Variants in ARNT2 observed in about 807,000 individuals in gnomAD.
ARNT2 encodes ARNT protein 2.
ARNT2 carries 36 observed loss-of-function variants against 91.7 expected under a neutral mutation model. The observed-to-expected ratio is 0.39, with a 90% CI of 0.30 to 0.52. ARNT2 has a LOEUF of 0.52. Ranked by LOEUF, ARNT2 falls within the 20% of genes least tolerant of loss-of-function variation. The pLI is 0.72. For synonymous variants in ARNT2, 365 were observed against 347.1 expected, an observed-to-expected ratio of 1.05 and a Z score of -0.57; for missense variants, 775 against 939.3, an observed-to-expected ratio of 0.83 and a Z score of 2.29.
Position 80,563,096 on chromosome 15 carries a change from G to A in ARNT2, c.1173G>A (p.Lys391=). 6.2e-7 allele frequency: 1 copy of A among 1,614,146 alleles called. No individual in the cohort carries two copies. The highest frequency in any genetic ancestry group is 8.5e-7 in the Non-Finnish European group (1 of 1,180,034). The change falls in exon 12 of 19, where the codon AAG becomes AAA. Residue 391 remains lysine, a synonymous_variant. Coordinates refer to ENST00000303329, the MANE Select transcript of ARNT2 (RefSeq NM_014862.4). Reference sequence around the variant, plus strand: ...TCCAAATGTTTTCTCAGGTGGTTAAGCTGAAAGGCCAAGTCCTGTCGGTCA... The same window carrying A: ...TCCAAATGTTTTCTCAGGTGGTTAAACTGAAAGGCCAAGTCCTGTCGGTCA... The part of the protein sequence containing the change: ...HLRESFQQVV[K]LKGQVLSVMY...
rs1401359926 is a variant in ARNT2 at position 80,591,105 on chromosome 15, T to G, written c.1919-463T>G. 6.6e-6 allele frequency among the ~76,000 whole-genome samples: 1 copy of G among 152,208 alleles called. No individual in the cohort carries two copies. The highest frequency in any genetic ancestry group is 2.4e-5 in the African/African-American group (1 of 41,446). ...CAGGGCCAGATGCCTTTCAAGAGCA[T>G]TCGGTGGACCGAGAGGGAATCAGGA... On this transcript the variant is annotated intron_variant, in intron 17 of 18. Transcript: ENST00000303329. This position sits in a 1 kb window ranked among gnomAD's most constrained non-coding sequence, Gnocchi z 5.1.
At chr15:80,436,744 G>A (rs1896094232) in intron 1 of ARNT2, among the ~76,000 whole-genome samples, 1 of 152,156 alleles carries the variant, frequency 6.6e-6, no homozygotes. Flanking sequence ...TTGTGCCTGG[G>A]ATTTTAACGT....
intron 3 of ARNT2, among the ~76,000 whole-genome samples, chr15:80,463,012 T>C (rs1322170339): frequency 6.6e-6 from 1 of 152,180 alleles, no homozygotes; most frequent in Non-Finnish European, 1.5e-5. Context: ...TGACCAAAAC[T>C]CTGTTGATAA....
chr15:80,434,357 A>G (rs769764033), intron 1 of ARNT2: 3 of 152,208 alleles, frequency 2.0e-5, no homozygotes, highest in Non-Finnish European at 2.9e-5. Flanking sequence ...CCAGTTCACA[A>G]TGTCACACTG....
chr15:80,514,363 G>A lies in ARNT2; in HGVS notation c.835G>A (p.Val279Met). 1 of 1,614,192 alleles carries A rather than the reference G, an allele frequency of 6.2e-7. No homozygotes were observed. The highest frequency in any genetic ancestry group is 8.5e-7 in the Non-Finnish European group (1 of 1,180,034). ...PVKEGEAQYA[V>M]VHCTGYIKAW... ...GAAAGAAGGAGAAGCCCAATATGCT[G>A]TGGTCCACTGTACAGGATACATCAA... The change falls in exon 8 of 19, where the codon GTG (valine) becomes ATG (methionine). Residue 279 changes from valine (V) to methionine (M), a missense_variant. Coordinates refer to ENST00000303329, the MANE Select transcript of ARNT2 (RefSeq NM_014862.4).
intron 1 of ARNT2, among the ~76,000 whole-genome samples, chr15:80,426,549 A>G (rs1484585310): frequency 6.6e-6 from 1 of 152,146 alleles, no homozygotes; most frequent in Non-Finnish European, 1.5e-5. Flanking sequence ...GGGTAGGGCT[A>G]AGGGAAGGAG....
At chr15:80,419,361 G>A (rs1895830460) in intron 1 of ARNT2, among the ~76,000 whole-genome samples, 1 of 152,220 alleles carries the variant, frequency 6.6e-6, no homozygotes, top group South Asian at 2.1e-4. Flanking sequence ...CCTGGTTCAG[G>A]ATGGCTGGGC....
In ARNT2 at chr15:80,510,110, T is replaced by A. The variant is rs555318096; in HGVS notation, c.725+1852T>A. Among the ~76,000 whole-genome samples the A allele has an allele frequency of 3.9e-5, 6 of 152,284 alleles. No individual in the cohort carries two copies. In the South Asian group the frequency reaches 1.2e-3, roughly 32 times the overall value. On this transcript the variant is annotated intron_variant, in intron 6 of 18. Transcript: ENST00000303329. ...ATGATTCAGGTGAGAAATGTGATTG[T>A]GGTAGAAAGTGCTCAGATTTTGAGT...
intron 12 of ARNT2, among the ~76,000 whole-genome samples, chr15:80,571,209 G>A (rs78600401): frequency 0.011 from 1,648 of 152,248 alleles, 41 homozygotes; most frequent in African/African-American, 0.038. Flanking sequence ...GCCCCAAAAC[G>A]TAGTGAGCTC....
chr15:80,466,539 C>T (rs187919871), intron 3 of ARNT2, among the ~76,000 whole-genome samples: 2 of 152,370 alleles, frequency 1.3e-5, no homozygotes, highest in Admixed American at 1.3e-4. Flanking sequence ...CACAGGCTCA[C>T]TCCTGCAGCT....
chr15:80,415,790 G>A (rs1427019040), intron 1 of ARNT2, among the ~76,000 whole-genome samples: 4 of 152,198 alleles, frequency 2.6e-5, no homozygotes, highest in Non-Finnish European at 5.9e-5. Context: ...ACCACTGGGT[G>A]GATAGGCTAT....
intron 1 of ARNT2, among the ~76,000 whole-genome samples, chr15:80,414,752 C>G (rs1331373050): frequency 6.8e-6 from 1 of 146,320 alleles, no homozygotes; most frequent in Non-Finnish European, 1.5e-5. Context: ...AGGATCACAG[C>G]TGTGTTCTCT....
intron 1 of ARNT2, among the ~76,000 whole-genome samples, chr15:80,405,139 T>C (rs1201160002): frequency 1.3e-5 from 2 of 152,300 alleles, no homozygotes; most frequent in African/African-American, 4.8e-5. Flanking sequence ...CCTGCCCAGG[T>C]GACATCCTCT....
At chr15:80,484,124 T>C (rs1177102405) in intron 5 of ARNT2, among the ~76,000 whole-genome samples, 2 of 151,622 alleles carry the variant, frequency 1.3e-5, no homozygotes, top group African/African-American at 4.9e-5. Flanking sequence ...AGAATCTTAA[T>C]CCTGAACACA....
At chr15:80,450,848 T>C (rs1419563707) in intron 1 of ARNT2, 32 bp from the exon 2 acceptor site, 1 of 1,610,240 alleles carries the variant, frequency 6.2e-7, no homozygotes. Flanking sequence ...TTTCTGGCAT[T>C]GACAAAACCT....
chr15:80,411,786 T>A (rs560748362), intron 1 of ARNT2, among the ~76,000 whole-genome samples: 5 of 152,026 alleles, frequency 3.3e-5, no homozygotes, highest in African/African-American at 1.2e-4. Context: ...GTCCTACACC[T>A]ACCTGATACC....
chr15:80,492,285 G>C (rs1182895819), intron 5 of ARNT2, among the ~76,000 whole-genome samples: 1 of 152,138 alleles, frequency 6.6e-6, no homozygotes, highest in Non-Finnish European at 1.5e-5. Context: ...CCATCCTCCT[G>C]CCTCAGCCTC....
At chr15:80,413,339 G>A (rs965611447) in intron 1 of ARNT2, among the ~76,000 whole-genome samples, 12 of 152,008 alleles carry the variant, frequency 7.9e-5, no homozygotes, top group African/African-American at 2.7e-4. Context: ...TTTGCTCACC[G>A]TCTATTGTCC....
chr15:80,463,601 G>A (rs1415378714), intron 3 of ARNT2, among the ~76,000 whole-genome samples: 3 of 146,188 alleles, frequency 2.1e-5, no homozygotes, highest in Non-Finnish European at 3.0e-5. Flanking sequence ...TTTTTGAGAC[G>A]GAGTTTTGCT....
Sources: gnomAD v4.1 joint callset for allele counts (sites outside exome capture counted in the v4.1 genomes callset) on GRCh38, gnomAD v4.1.1 for gene constraint, Gnocchi (gnomAD v3.1) non-coding constraint, MANE v1.5 for transcripts, NCBI Gene and HGNC (gene_info 2026-07-23, HGNC 2026-07-21) for gene names.